MTHFD1L: variants seen among roughly 807,000 people sequenced by gnomAD.
MTHFD1L encodes methylenetetrahydrofolate dehydrogenase (NADP+ dependent) 1 like, also known as monofunctional C1-tetrahydrofolate synthase, mitochondrial.
MTHFD1L carries 81 observed loss-of-function variants against 119.5 expected under a neutral mutation model. That is an observed-to-expected ratio of 0.68 (90% CI 0.57 to 0.82). MTHFD1L has a LOEUF of 0.82. MTHFD1L is among the 40% of genes least tolerant of loss of function. The pLI is 0.00. For synonymous variants in MTHFD1L, 430 were observed against 475.2 expected (o/e 0.90, Z 1.24); for missense variants, 1,125 against 1,253.4 (o/e 0.90, Z 1.55).
intron 1 of MTHFD1L, among the ~76,000 whole-genome samples, chr6:150,870,915 T>TCAAAA (rs1213281533): frequency 6.7e-6 from 1 of 148,172 alleles, no homozygotes; most frequent in Non-Finnish European, 1.5e-5. Context: ...AGACTCCGTC[T>TCAAAA]CAAAACAAAA....
intron 1 of MTHFD1L, among the ~76,000 whole-genome samples, chr6:150,872,840 T>G (rs1430146891): frequency 6.6e-6 from 1 of 151,812 alleles, no homozygotes; most frequent in Admixed American, 6.6e-5. Context: ...TTTTTTTTTT[T>G]TGGTAGAGAC....
In MTHFD1L at chr6:150,998,063, G is replaced by C. The variant is rs1780060688; in HGVS notation, c.2126-11756G>C. On this transcript the variant is annotated intron_variant, in intron 20 of 27. Coordinates refer to ENST00000367321, the MANE Select transcript of MTHFD1L (RefSeq NM_015440.5). The stretch of plus-strand genomic sequence containing the variant: ...GCAATTGCATTTTATATGACACCAT[G>C]TGTGTGCAAAAACTGAATCAAAATC... Among the ~76,000 whole-genome samples, 5 of 152,308 alleles carry C rather than the reference G, an allele frequency of 3.3e-5. No individual in the cohort carries two copies. In the South Asian group the frequency reaches 1.0e-3, roughly 32 times the overall value.
chr6:151,085,787 A>T (rs572327074), intron 26 of MTHFD1L, among the ~76,000 whole-genome samples: 1 of 151,504 alleles, frequency 6.6e-6, no homozygotes, highest in East Asian at 1.9e-4. Flanking sequence ...AAAAACAATG[A>T]CTTTGACCTG....
chr6:150,928,433 C>CA (rs540059318), intron 11 of MTHFD1L, among the ~76,000 whole-genome samples: 1,421 of 70,120 alleles, frequency 0.02, 23 homozygotes, highest in African/African-American at 0.035. Flanking sequence ...AAGACTGTCT[C>CA]AAAAAAAAAA....
intron 26 of MTHFD1L, among the ~76,000 whole-genome samples, chr6:151,042,891 G>A (rs936190987): frequency 3.3e-5 from 5 of 152,080 alleles, no homozygotes; most frequent in African/African-American, 7.2e-5. Flanking sequence ...CAGTAAATAG[G>A]GCGATGATAA....
At chr6:151,089,319 T>C (rs984436553) in intron 26 of MTHFD1L, among the ~76,000 whole-genome samples, 1 of 152,220 alleles carries the variant, frequency 6.6e-6, no homozygotes, top group Admixed American at 6.5e-5. Context: ...AAGCCTTCTA[T>C]AGCTGGGTGC....
At chr6:151,074,928 G>T (rs1575218) in intron 26 of MTHFD1L, among the ~76,000 whole-genome samples, 42,432 of 152,060 alleles carry the variant, frequency 0.28, 6,166 homozygotes, top group Admixed American at 0.34. Flanking sequence ...AGCAACACAG[G>T]ACTGTGCTGT....
chr6:150,959,090 C>A, intron 17 of MTHFD1L: 2 of 701,410 alleles, frequency 2.9e-6, no homozygotes, highest in Non-Finnish European at 3.5e-6. Flanking sequence ...CAATGAAAGA[C>A]CACTTATGTT....
intron 26 of MTHFD1L, among the ~76,000 whole-genome samples, chr6:151,067,118 T>A (rs1477983174): frequency 6.6e-6 from 1 of 151,656 alleles, no homozygotes; most frequent in Non-Finnish European, 1.5e-5. Flanking sequence ...CTCAGCCTCC[T>A]GAGTAGCTGG....
intron 8 of MTHFD1L, among the ~76,000 whole-genome samples, chr6:150,909,486 TC>T (rs1035389561): frequency 2.8e-4 from 42 of 152,092 alleles, no homozygotes; most frequent in African/African-American, 9.6e-4. Flanking sequence ...CAAATAGTCC[TC>T]CCGCCTCCAC....
rs763428205 is a variant in MTHFD1L at position 151,092,607 on chromosome 6, C to CT, written c.*31+25dup. 2 of 1,447,250 alleles carry CT rather than the reference C, an allele frequency of 1.4e-6. No homozygotes were observed. Among genetic ancestry groups the CT allele is most frequent in the East Asian group, 4.6e-5 (2 of 43,794 alleles). 89.7% of individuals were successfully genotyped at this position (1,447,250 alleles called of 1,614,324 possible). A position where few individuals can be genotyped will look rare whatever the true frequency, so the allele number is the denominator to read the frequency against. The stretch of plus-strand genomic sequence containing the variant: ...ATGCAGGTAGGCTGATGTGCTTCAA[C>CT]TTTTTCTCTCTTTGTTTTTTTCCAG... On this transcript the variant is annotated intron_variant, in intron 27 of 27. Transcript: ENST00000367321.
chr6:151,065,050 C>T (rs1473838352), intron 26 of MTHFD1L, among the ~76,000 whole-genome samples: 2 of 152,062 alleles, frequency 1.3e-5, no homozygotes, highest in East Asian at 1.9e-4. Context: ...GTGATCCACC[C>T]GCCTTGGACT....
chr6:150,926,402 A>G lies in MTHFD1L; in HGVS notation c.1256+107A>G, dbSNP rs1789995695. ...TCAATCCATCCTATTCTCACATTTGACATTTCGTCCATTTCATTTGGCATT... is the reference window on the plus strand; with the variant it reads ...TCAATCCATCCTATTCTCACATTTGGCATTTCGTCCATTTCATTTGGCATT... On this transcript the variant is annotated intron_variant, in intron 11 of 27. Transcript: ENST00000367321. The surrounding 1 kb of genome is among the most constrained non-coding windows in gnomAD (Gnocchi z 4.3). 2 of 1,067,612 alleles carry G rather than the reference A, an allele frequency of 1.9e-6. No individual in the cohort carries two copies. The highest frequency in any genetic ancestry group is 2.5e-5 in the East Asian group (1 of 39,832). The allele number at this position is 1,067,612 out of a possible 1,614,324, so 66.1% of individuals were successfully genotyped here.
intron 15 of MTHFD1L, among the ~76,000 whole-genome samples, chr6:150,947,723 T>C (rs1794215470): frequency 6.6e-6 from 1 of 152,108 alleles, no homozygotes; most frequent in Non-Finnish European, 1.5e-5. Context: ...GCATCAATTA[T>C]ATGGACAGAC....
rs76462779 is a variant in MTHFD1L, at chr6:150,894,679, G to C, written c.780+6698G>C. Among the ~76,000 whole-genome samples the C allele has an allele frequency of 1.5e-3, 223 of 152,276 alleles. 1 individual carries two copies. Among genetic ancestry groups the C allele is most frequent in the African/African-American group, 5.1e-3 (210 of 41,554 alleles). ...CCAGTTACTACTTTCAGGCTCTGTA[G>C]GTTTAAAGAATGGTTATATCCAGTT... On this transcript the variant is annotated intron_variant, in intron 7 of 27. Transcript: ENST00000367321.
intron 20 of MTHFD1L, among the ~76,000 whole-genome samples, chr6:150,982,466 AGTGTTCTGCTGTTACAAATAATGCTAC>A (rs1319576624): frequency 3.9e-5 from 6 of 152,194 alleles, no homozygotes; most frequent in Admixed American, 6.5e-5. Context: ...GATTGCTTCC[AGTGTTCTGCTGTTACAAATAATGCTAC>A]GGGGGACATT....
rs116579890 is a variant in MTHFD1L at position 151,000,454 on chromosome 6, T to A, written c.2126-9365T>A. ...CCTGGAAATTCGACTCCAAGATATT[T>A]AATAAAACTAAACAGGGTTATATGT... is the stretch of plus-strand genomic sequence containing the variant. On this transcript the variant is annotated intron_variant, in intron 20 of 27. Transcript: ENST00000367321. 9.5e-3 allele frequency among the ~76,000 whole-genome samples: 1,446 copies of A among 152,294 alleles called. 25 individuals carry two copies. The highest frequency in any genetic ancestry group is 0.033 in the African/African-American group (1,388 of 41,540).
rs1359511934 is a variant in MTHFD1L at position 150,926,504 on chromosome 6, C to T, written c.1256+209C>T. On this transcript the variant is annotated intron_variant, in intron 11 of 27. Coordinates refer to ENST00000367321, the MANE Select transcript of MTHFD1L (RefSeq NM_015440.5). This position sits in a 1 kb window ranked among gnomAD's most constrained non-coding sequence, Gnocchi z 4.3. ...CGACTCTACACAAGATAAAGTCAAA[C>T]AAGTTGCAGTGCTTTATCTTTTGTT... Among the ~76,000 whole-genome samples the T allele has an allele frequency of 6.6e-6, 1 of 152,188 alleles. No individual in the cohort carries two copies. The highest frequency in any genetic ancestry group is 1.5e-5 in the Non-Finnish European group (1 of 68,038).
At chr6:150,968,272 C>T (rs2129013649) in intron 19 of MTHFD1L, among the ~76,000 whole-genome samples, 1 of 151,746 alleles carries the variant, frequency 6.6e-6, no homozygotes, top group East Asian at 1.9e-4. Context: ...ACCGTATCTC[C>T]AGCTTCTAGA....
Sources: allele counts gnomAD v4.1 joint callset (sites outside exome capture counted in the v4.1 genomes callset), GRCh38; gene constraint gnomAD v4.1.1; non-coding constraint Gnocchi (gnomAD v3.1); transcripts MANE v1.5; gene names NCBI Gene and HGNC (gene_info 2026-07-23, HGNC 2026-07-21).